TAFA2: variants seen among roughly 807,000 people sequenced by gnomAD.
The protein encoded by TAFA2 is TAFA chemokine like family member 2.
TAFA2 carries 7 observed loss-of-function variants against 18.8 expected under a neutral mutation model. That is an observed-to-expected ratio of 0.37 (90% CI 0.21 to 0.70). The LOEUF (loss-of-function observed/expected upper bound fraction) is 0.70. Ranked by LOEUF, TAFA2 falls within the 30% of genes least tolerant of loss-of-function variation. TAFA2 has a pLI of 0.53. For missense variants in TAFA2, 122 were observed against 158.1 expected (o/e 0.77, Z 1.23); for synonymous variants, 60 against 54.2 (o/e 1.11, Z -0.47).
At chr12:61,985,100 C>T (rs1373970915) in intron 1 of TAFA2, among the ~76,000 whole-genome samples, 1 of 152,122 alleles carries the variant, frequency 6.6e-6, no homozygotes, top group Non-Finnish European at 1.5e-5. Flanking sequence ...GTAGAAGCCA[C>T]ATTCCATTTC....
intron 1 of TAFA2, among the ~76,000 whole-genome samples, chr12:62,071,958 TAATA>T (rs1455094288): frequency 6.6e-6 from 1 of 152,204 alleles, no homozygotes; most frequent in African/African-American, 2.4e-5. Context: ...TTCACTGCAC[TAATA>T]TTTATAAAAA....
chr12:62,214,896 T>C lies in TAFA2; in HGVS notation c.-130+43867A>G, dbSNP rs1044672303. On this transcript the variant is annotated intron_variant, in intron 1 of 5. Transcript: ENST00000551619. ...CCATTATCCCCACCTTCTAATATAA[T>C]ATGCCTCAAAGCAGTGATAAGAAGG... is the stretch of plus-strand genomic sequence containing the variant. Among the ~76,000 whole-genome samples the C allele has an allele frequency of 7.9e-5, 12 of 152,280 alleles. No homozygotes were observed. In the South Asian group the frequency reaches 2.3e-3, roughly 29 times the overall value.
At chr12:61,779,036 C>G (rs1305858674) in intron 2 of TAFA2, among the ~76,000 whole-genome samples, 1 of 151,808 alleles carries the variant, frequency 6.6e-6, no homozygotes, top group Non-Finnish European at 1.5e-5. Context: ...AGGTCACCAC[C>G]AAATCTCTGT....
At chr12:62,157,228 T>C (rs1019132215) in intron 1 of TAFA2, among the ~76,000 whole-genome samples, 5 of 152,178 alleles carry the variant, frequency 3.3e-5, no homozygotes, top group African/African-American at 1.2e-4. Flanking sequence ...AAGAAGCCTA[T>C]GAATTTTTTC....
At chr12:61,921,753 A>G (rs1259091609) in intron 1 of TAFA2, among the ~76,000 whole-genome samples, 1 of 152,256 alleles carries the variant, frequency 6.6e-6, no homozygotes, top group Non-Finnish European at 1.5e-5. Flanking sequence ...TTAAAGGCAT[A>G]TAACTACACA....
chr12:61,985,877 C>A (rs911780185), intron 1 of TAFA2, among the ~76,000 whole-genome samples: 1 of 152,138 alleles, frequency 6.6e-6, no homozygotes, highest in African/African-American at 2.4e-5. Context: ...AAATACAGAT[C>A]CACATGTCAC....
At chr12:61,777,774 A>C (rs762948120) in intron 2 of TAFA2, among the ~76,000 whole-genome samples, 28 of 151,870 alleles carry the variant, frequency 1.8e-4, no homozygotes, top group Non-Finnish European at 3.2e-4. Context: ...GAATTTAATT[A>C]ATACATATAA....
At chr12:61,791,862 C>T (rs899688777) in intron 2 of TAFA2, among the ~76,000 whole-genome samples, 4 of 151,642 alleles carry the variant, frequency 2.6e-5, no homozygotes, top group Non-Finnish European at 4.4e-5. Context: ...AATCCAACTA[C>T]TGGGTACCTA....
intron 4 of TAFA2, among the ~76,000 whole-genome samples, chr12:61,735,798 A>G (rs1277700618): frequency 6.6e-6 from 1 of 151,782 alleles, no homozygotes; most frequent in Admixed American, 6.6e-5. Flanking sequence ...TTTTGTTTAC[A>G]TTGCCTTATC....
chr12:61,954,446 A>C (rs2121459671), intron 1 of TAFA2, among the ~76,000 whole-genome samples: 1 of 152,262 alleles, frequency 6.6e-6, no homozygotes, highest in East Asian at 1.9e-4. Context: ...ATTTAAAGTT[A>C]ATTGCTTGAA....
intron 1 of TAFA2, among the ~76,000 whole-genome samples, chr12:62,059,268 G>C (rs2136785515): frequency 6.6e-6 from 1 of 151,752 alleles, no homozygotes; most frequent in Non-Finnish European, 1.5e-5. Flanking sequence ...GGTGATCTAT[G>C]ATTGCACCAC....
chr12:62,199,111 G>A (rs1279535726), intron 1 of TAFA2, among the ~76,000 whole-genome samples: 4 of 152,348 alleles, frequency 2.6e-5, no homozygotes, highest in South Asian at 2.1e-4. Context: ...TCAACTGGCA[G>A]TGCATTGCCT....
At chr12:62,041,024 G>T (rs1881742924) in intron 1 of TAFA2, among the ~76,000 whole-genome samples, 1 of 152,062 alleles carries the variant, frequency 6.6e-6, no homozygotes, top group Non-Finnish European at 1.5e-5. Flanking sequence ...TGTCTAACAA[G>T]ACCCTATTAT....
intron 1 of TAFA2, among the ~76,000 whole-genome samples, chr12:61,927,069 G>GA (rs56908081): frequency 0.023 from 1,629 of 69,898 alleles, 81 homozygotes; most frequent in African/African-American, 0.04. Context: ...GTGAGACTCT[G>GA]AAAAAAAAAA....
At chr12:62,092,066 A>G (rs189555807) in intron 1 of TAFA2, among the ~76,000 whole-genome samples, 11 of 151,970 alleles carry the variant, frequency 7.2e-5, no homozygotes, top group Non-Finnish European at 1.5e-4. Flanking sequence ...CGGTGCCCAA[A>G]ATTCTACCTT....
At chr12:61,799,720 G>A (rs191078953) in intron 2 of TAFA2, among the ~76,000 whole-genome samples, 2 of 152,288 alleles carry the variant, frequency 1.3e-5, no homozygotes, top group East Asian at 3.9e-4. Context: ...TACTCGGGAG[G>A]CTGAGGCAGA....
chr12:61,776,121 A>G (rs760387606), intron 2 of TAFA2: 2 of 425,702 alleles, frequency 4.7e-6, no homozygotes, highest in Non-Finnish European at 9.1e-6. Context: ...CTACAATGTT[A>G]CCTAGCATGC....
At chr12:61,857,033 AT>A (rs1873913796) in intron 2 of TAFA2, among the ~76,000 whole-genome samples, 1 of 151,898 alleles carries the variant, frequency 6.6e-6, no homozygotes, top group Admixed American at 6.6e-5. Flanking sequence ...AATTACAGGT[AT>A]TTTAAAGTTT....
chr12:62,156,646 T>A (rs1299755938), intron 1 of TAFA2, among the ~76,000 whole-genome samples: 3 of 152,120 alleles, frequency 2.0e-5, no homozygotes, highest in Non-Finnish European at 4.4e-5. Context: ...ATTAACAGCA[T>A]TTGCAGCGAC....
Sources: allele counts gnomAD v4.1 joint callset (sites outside exome capture counted in the v4.1 genomes callset), GRCh38; gene constraint gnomAD v4.1.1; transcripts MANE v1.5; gene names NCBI Gene and HGNC (gene_info 2026-07-23, HGNC 2026-07-21).